The following CMTM4 variants were observed in gnomAD, a reference collection of about 807,000 sequenced individuals.
The protein encoded by CMTM4 is CKLF-like MARVEL transmembrane domain-containing protein 4.
In CMTM4, 8 loss-of-function variants were observed where a neutral mutation model predicts 19.0. The ratio of observed to expected loss-of-function variants is 0.42; its 90% confidence interval spans 0.25 to 0.76. The LOEUF (loss-of-function observed/expected upper bound fraction) is 0.76, where lower values mean the gene tolerates loss of function less well. CMTM4 is among the 30% of genes least tolerant of loss of function. The probability of loss-of-function intolerance (pLI) is 0.27; values close to 1 mark genes in which losing one functional copy is unlikely to be tolerated. For missense variants in CMTM4, 228 were observed against 290.2 expected (o/e 0.79, Z 1.56); for synonymous variants, 106 against 121.1 (o/e 0.88, Z 0.82).
chr16:66,664,325 A>G (rs1380492089), intron 1 of CMTM4, among the ~76,000 whole-genome samples: 1 of 152,172 alleles, frequency 6.6e-6, no homozygotes, highest in Non-Finnish European at 1.5e-5. Context: ...GAGGTTCTTC[A>G]TGGAGAATGG....
intron 1 of CMTM4, among the ~76,000 whole-genome samples, chr16:66,668,770 C>T (rs1439725898): frequency 6.6e-6 from 1 of 151,910 alleles, no homozygotes; most frequent in Non-Finnish European, 1.5e-5. Flanking sequence ...TATATTATTC[C>T]TAATAAAATT....
intron 1 of CMTM4, among the ~76,000 whole-genome samples, chr16:66,641,038 G>T (rs919021129): frequency 1.1e-4 from 16 of 152,138 alleles, no homozygotes; most frequent in Non-Finnish European, 1.6e-4. Context: ...AGAAAAGAAA[G>T]ATCTGATTCT....
chr16:66,648,180 A>G (rs954800643), intron 1 of CMTM4, among the ~76,000 whole-genome samples: 9 of 152,230 alleles, frequency 5.9e-5, no homozygotes, highest in Non-Finnish European at 1.0e-4. Context: ...GATGTTCCAG[A>G]GACCTCCCTT....
At chr16:66,624,243 G>T (rs901101078) in intron 2 of CMTM4, among the ~76,000 whole-genome samples, 1 of 152,216 alleles carries the variant, frequency 6.6e-6, no homozygotes, top group South Asian at 2.1e-4. Context: ...AGCCCAGCAT[G>T]GTGCCTGGCC....
chr16:66,604,881 G>A, the CMTM4 span: 11 of 1,425,278 alleles, frequency 7.7e-6, no homozygotes, highest in Non-Finnish European at 1.0e-5. Context: ...CGCGGTCCCC[G>A]GGCTCCGCGC....
downstream of CMTM4, among the ~76,000 whole-genome samples, chr16:66,612,178 G>C (rs1379615886): frequency 6.6e-6 from 1 of 152,222 alleles, no homozygotes; most frequent in African/African-American, 2.4e-5. The surrounding 1 kb of genome is among the most constrained non-coding windows in gnomAD (Gnocchi z 6.0). Context: ...ACTTTGGGAG[G>C]CTGAGGTGGG....
intron 1 of CMTM4, among the ~76,000 whole-genome samples, chr16:66,649,730 G>A (rs1183701627): frequency 8.5e-5 from 13 of 152,206 alleles, no homozygotes; most frequent in African/African-American, 3.1e-4. Context: ...TCCAGAGCCC[G>A]ACTCCCTCCT....
At chr16:66,643,940 G>C (rs1296625711) in intron 1 of CMTM4, among the ~76,000 whole-genome samples, 2 of 152,092 alleles carry the variant, frequency 1.3e-5, no homozygotes, top group Non-Finnish European at 2.9e-5. Context: ...TTTTAGTAGA[G>C]ACGGGGTTTC....
intron 2 of CMTM4, among the ~76,000 whole-genome samples, chr16:66,623,986 A>C (rs2015688462): frequency 6.6e-6 from 1 of 152,190 alleles, no homozygotes; most frequent in African/African-American, 2.4e-5. Context: ...TCAAGCCTCT[A>C]TGTCACTAAA....
At chr16:66,681,584 G>C (rs1047851170) in intron 1 of CMTM4, among the ~76,000 whole-genome samples, 1 of 152,116 alleles carries the variant, frequency 6.6e-6, no homozygotes, top group Non-Finnish European at 1.5e-5. Flanking sequence ...GATTACAGAC[G>C]TGAGCCACCG....
intron 1 of CMTM4, among the ~76,000 whole-genome samples, chr16:66,680,967 A>G (rs912944843): frequency 6.6e-6 from 1 of 152,146 alleles, no homozygotes; most frequent in Non-Finnish European, 1.5e-5. Context: ...GCCATTGCAC[A>G]CACCTTCTAA....
At chr16:66,607,835 G>T in the CMTM4 span, among the ~76,000 whole-genome samples, 3 of 145,104 alleles carry the variant, frequency 2.1e-5, no homozygotes, top group South Asian at 2.2e-4. Context: ...GCCATGCTGG[G>T]TTTTTTTTTT....
chr16:66,613,517 C>T (rs992280262), downstream of CMTM4: 2 of 198,750 alleles, frequency 1.0e-5, no homozygotes, highest in Non-Finnish European at 2.1e-5. Flanking sequence ...GACCAGCCTT[C>T]TGTGTTCACC....
chr16:66,669,707 A>C (rs76099121), intron 1 of CMTM4, among the ~76,000 whole-genome samples: 4 of 151,980 alleles, frequency 2.6e-5, no homozygotes, highest in African/African-American at 9.7e-5. Flanking sequence ...ATGCCTGGCT[A>C]ATTTTTTTTT....
intron 1 of CMTM4, among the ~76,000 whole-genome samples, chr16:66,650,276 A>G (rs2016286598): frequency 6.6e-6 from 1 of 152,192 alleles, no homozygotes; most frequent in Admixed American, 6.5e-5. Flanking sequence ...TTTTATGTTT[A>G]TACTCCCATT....
chr16:66,691,739 G>A (rs139475204), intron 1 of CMTM4, among the ~76,000 whole-genome samples: 2 of 152,152 alleles, frequency 1.3e-5, no homozygotes, highest in African/African-American at 4.8e-5. Flanking sequence ...CAACTGCACC[G>A]TTTAATTTTT....
At chr16:66,627,204 T>A (rs554422348) in intron 2 of CMTM4, among the ~76,000 whole-genome samples, 1 of 152,388 alleles carries the variant, frequency 6.6e-6, no homozygotes, top group African/African-American at 2.4e-5. Flanking sequence ...GGTATTTCCA[T>A]AATGGAACAC....
chr16:66,608,289 C>T, the CMTM4 span: 11 of 1,613,722 alleles, frequency 6.8e-6, no homozygotes, highest in Admixed American at 5.0e-5. This position sits in a 1 kb window ranked among gnomAD's most constrained non-coding sequence, Gnocchi z 5.1. Flanking sequence ...CTGACTTCAC[C>T]TCAAACTCCT....
chr16:66,612,906 T>C, downstream of CMTM4: 1 of 621,390 alleles, frequency 1.6e-6, no homozygotes, highest in African/African-American at 1.8e-5. The surrounding 1 kb of genome is among the most constrained non-coding windows in gnomAD (Gnocchi z 6.0). Context: ...TTCAGCCCTT[T>C]AACGTCTCTG....
Sources: allele counts gnomAD v4.1 joint callset (sites outside exome capture counted in the v4.1 genomes callset), GRCh38; gene constraint gnomAD v4.1.1; non-coding constraint Gnocchi (gnomAD v3.1); transcripts MANE v1.5; gene names NCBI Gene and HGNC (gene_info 2026-07-23, HGNC 2026-07-21).